CADM2: variants seen among roughly 807,000 people sequenced by gnomAD.
CADM2 encodes the protein cell adhesion molecule 2.
In CADM2, 12 loss-of-function variants were observed where a neutral mutation model predicts 49.8. The ratio of observed to expected loss-of-function variants is 0.24; its 90% confidence interval spans 0.15 to 0.39. The LOEUF (loss-of-function observed/expected upper bound fraction) is 0.39, where lower values mean the gene tolerates loss of function less well. CADM2 is among the 10% of genes least tolerant of loss of function. The pLI, the probability that CADM2 is intolerant of heterozygous loss-of-function variation, is 1.00. For synonymous variants in CADM2, 214 were observed against 175.4 expected (o/e 1.22, Z -1.74); for missense variants, 378 against 492.3 (o/e 0.77, Z 2.20).
intron 1 of CADM2, among the ~76,000 whole-genome samples, chr3:85,470,035 G>A (rs1402321914): frequency 6.6e-6 from 1 of 152,172 alleles, no homozygotes; most frequent in African/African-American, 2.4e-5. Context: ...CTCAATACTG[G>A]AGAGTGGTTT....
At position 85,180,000 on chromosome 3, in the gene CADM2, T is replaced by TA. The variant is rs1259832194; in HGVS notation, c.61+220336dup. ...CAGGCACTGGGGATACAGCAGTCTA[T>TA]AAAATATAGGCCTGGAAATATAGAC... On this transcript the variant is annotated intron_variant, in intron 1 of 9. Transcript: ENST00000383699. Among the ~76,000 whole-genome samples the TA allele has an allele frequency of 3.9e-5, 6 of 152,184 alleles. No homozygotes were observed. The East Asian group carries it at 1.2e-3, about 29-fold the overall frequency.
rs150512082 is a variant in CADM2 at position 85,047,919 on chromosome 3, A to G, written c.61+88251A>G. Among the ~76,000 whole-genome samples, 1,166 of 152,278 alleles carry G rather than the reference A, an allele frequency of 7.7e-3. 7 individuals are homozygous for G. Among genetic ancestry groups the G allele is most frequent in the Non-Finnish European group, 0.013 (856 of 68,014 alleles). On this transcript the variant is annotated intron_variant, in intron 1 of 9. Transcript: ENST00000383699. ...TAATATATTGTTTTTGTGATGTGCA[A>G]GTTTTCTGCAGAGTGACAGTAATAA...
At chr3:85,218,010 ATATTT>A (rs2041968101) in intron 1 of CADM2, among the ~76,000 whole-genome samples, 1 of 152,154 alleles carries the variant, frequency 6.6e-6, no homozygotes, top group Non-Finnish European at 1.5e-5. Context: ...ACATTTAAAA[ATATTT>A]TAATTAAAAC....
intron 7 of CADM2, among the ~76,000 whole-genome samples, chr3:85,947,563 G>A (rs1236679115): frequency 1.3e-5 from 2 of 151,010 alleles, no homozygotes; most frequent in African/African-American, 2.4e-5. Context: ...AAAAAAAAAT[G>A]TGTGCAGTCC....
At chr3:85,489,319 C>T (rs2039562301) in intron 1 of CADM2, among the ~76,000 whole-genome samples, 1 of 151,964 alleles carries the variant, frequency 6.6e-6, no homozygotes, top group Admixed American at 6.6e-5. Context: ...AATGGAATTC[C>T]TAAAATAAGA....
intron 1 of CADM2, among the ~76,000 whole-genome samples, chr3:85,002,532 T>A (rs1296781963): frequency 6.6e-6 from 1 of 152,186 alleles, no homozygotes; most frequent in Non-Finnish European, 1.5e-5. Context: ...AATTCTCAGA[T>A]GTCTTTCAAC....
chr3:85,086,530 G>A (rs1437440350), intron 1 of CADM2, among the ~76,000 whole-genome samples: 1 of 55,374 alleles, frequency 1.8e-5, no homozygotes, highest in African/African-American at 6.4e-5. Flanking sequence ...TTTTTTTTTT[G>A]AGATGGAGTC....
chr3:85,208,217 G>A (rs1211968210), intron 1 of CADM2, among the ~76,000 whole-genome samples: 1 of 151,982 alleles, frequency 6.6e-6, no homozygotes, highest in East Asian at 1.9e-4. Flanking sequence ...AGGTTAATTC[G>A]CAGACCTCAC....
rs775560669 is a variant in CADM2 at position 84,975,237 on chromosome 3, CAACA to C, written c.61+15580_61+15583del. On this transcript the variant is annotated intron_variant, in intron 1 of 9. Coordinates refer to ENST00000383699, the MANE Select transcript of CADM2 (RefSeq NM_001167675.2). ...AGTTATTTAAAACAAAATAAGTAAACAACAAACAAACAAAGTTATTTCACTCTCC... is the reference window on the plus strand; with the variant it reads ...AGTTATTTAAAACAAAATAAGTAAACAACAAACAAAGTTATTTCACTCTCC... Among the ~76,000 whole-genome samples the C allele has an allele frequency of 1.6e-4, 24 of 151,678 alleles. No homozygotes were observed. The East Asian group carries it at 1.7e-3, about 11-fold the overall frequency.
chr3:85,186,640 T>C (rs1283443527), intron 1 of CADM2, among the ~76,000 whole-genome samples: 1 of 151,936 alleles, frequency 6.6e-6, no homozygotes, highest in East Asian at 1.9e-4. Flanking sequence ...GTCTGCATCT[T>C]AGGATGTTTA....
chr3:85,508,132 T>C (rs1308797061), intron 1 of CADM2, among the ~76,000 whole-genome samples: 2 of 152,184 alleles, frequency 1.3e-5, no homozygotes, highest in African/African-American at 4.8e-5. Flanking sequence ...TGGACTTGCC[T>C]TCATGGACTG....
chr3:85,350,406 G>A (rs1342067349), intron 1 of CADM2, among the ~76,000 whole-genome samples: 1 of 152,024 alleles, frequency 6.6e-6, no homozygotes, highest in Non-Finnish European at 1.5e-5. Flanking sequence ...CCATTTTGCT[G>A]TGCATTTTGA....
chr3:85,844,009 G>T (rs773404865), intron 3 of CADM2, among the ~76,000 whole-genome samples: 3 of 151,988 alleles, frequency 2.0e-5, no homozygotes, highest in Non-Finnish European at 2.9e-5. Flanking sequence ...CAGGCTTTAC[G>T]GATCGGTCCC....
chr3:85,130,599 T>TC (rs928436607), intron 1 of CADM2, among the ~76,000 whole-genome samples: 14 of 152,172 alleles, frequency 9.2e-5, no homozygotes, highest in Admixed American at 2.0e-4. Context: ...AGATTAAGTT[T>TC]CCCTGTATAA....
intron 1 of CADM2, among the ~76,000 whole-genome samples, chr3:85,070,351 A>G (rs1475625126): frequency 1.3e-5 from 2 of 152,168 alleles, no homozygotes; most frequent in African/African-American, 4.8e-5. Flanking sequence ...CAAATTCCAA[A>G]ATGTGAAGCA....
intron 1 of CADM2, among the ~76,000 whole-genome samples, chr3:85,235,663 A>G (rs1195914071): frequency 6.6e-6 from 1 of 152,078 alleles, no homozygotes; most frequent in Non-Finnish European, 1.5e-5. Flanking sequence ...TTTAATTGAA[A>G]TTTCATTACA....
chr3:85,014,657 G>T (rs908053399), intron 1 of CADM2, among the ~76,000 whole-genome samples: 5 of 152,144 alleles, frequency 3.3e-5, no homozygotes, highest in African/African-American at 9.7e-5. Flanking sequence ...TTGGCTCAGG[G>T]TCTCTCACAA....
chr3:85,112,018 TACA>T (rs2038477527), intron 1 of CADM2, among the ~76,000 whole-genome samples: 1 of 151,942 alleles, frequency 6.6e-6, no homozygotes, highest in African/African-American at 2.4e-5. Context: ...GATTTCTAAG[TACA>T]ACGTCTTCTA....
intron 1 of CADM2, among the ~76,000 whole-genome samples, chr3:85,031,787 C>G (rs531627467): frequency 6.6e-6 from 1 of 151,386 alleles, no homozygotes; most frequent in African/African-American, 2.4e-5. Flanking sequence ...CCCAGAGTGC[C>G]GGGATTACAG....
Sources: allele counts gnomAD v4.1 joint callset (sites outside exome capture counted in the v4.1 genomes callset), GRCh38; gene constraint gnomAD v4.1.1; transcripts MANE v1.5; gene names NCBI Gene and HGNC (gene_info 2026-07-23, HGNC 2026-07-21).